The following ABCG1 variants were observed in gnomAD, a reference collection of about 807,000 sequenced individuals.
ABCG1 encodes the protein ATP-binding cassette sub-family G member 1.
A neutral mutation model predicts 69.2 loss-of-function variants in ABCG1; 29 were observed. That is an observed-to-expected ratio of 0.42 (90% CI 0.31 to 0.57). The LOEUF (loss-of-function observed/expected upper bound fraction) is 0.57, where lower values mean the gene tolerates loss of function less well. ABCG1 is among the 20% of genes least tolerant of loss of function. The pLI, the probability that ABCG1 is intolerant of heterozygous loss-of-function variation, is 0.15. For missense variants in ABCG1, 718 were observed against 898.1 expected (o/e 0.80, Z 2.56); for synonymous variants, 370 against 374.8 (o/e 0.99, Z 0.15).
intron 13 of ABCG1, among the ~76,000 whole-genome samples, chr21:42,293,856 TCACACACTACACACCACACCACACAC>T (rs1292793528): frequency 8.2e-6 from 1 of 121,840 alleles, no homozygotes; most frequent in Non-Finnish European, 1.7e-5. Flanking sequence ...ACTAGAAACA[TCACACACTACACACCACACCACACAC>T]CACACACTCC....
At chr21:42,281,709 G>A (rs747978155) in intron 5 of ABCG1, among the ~76,000 whole-genome samples, 13 of 152,098 alleles carry the variant, frequency 8.5e-5, no homozygotes, top group Admixed American at 2.0e-4. Flanking sequence ...GTGTGTGACC[G>A]TGTTCCTGCC....
chr21:42,224,655 G>T (rs2067785315), intron 1 of ABCG1, among the ~76,000 whole-genome samples: 1 of 152,224 alleles, frequency 6.6e-6, no homozygotes, highest in Non-Finnish European at 1.5e-5. Context: ...GAAGGGGTGT[G>T]TGTGTGCTTT....
chr21:42,211,450 C>T (rs879827327), upstream of ABCG1, among the ~76,000 whole-genome samples: 7 of 152,058 alleles, frequency 4.6e-5, no homozygotes, highest in Non-Finnish European at 7.4e-5. Flanking sequence ...CTCACCTTTC[C>T]CTTCCTCCTT....
intron 2 of ABCG1, among the ~76,000 whole-genome samples, chr21:42,258,224 C>T (rs559476056): frequency 2.6e-5 from 4 of 151,368 alleles, no homozygotes; most frequent in Non-Finnish European, 5.9e-5. Context: ...CCATAAGCCT[C>T]TCCAACCATC....
At chr21:42,267,462 GTCTGGGTTCTGTCTGGGTCTGA>G (rs1485251128) in intron 2 of ABCG1, among the ~76,000 whole-genome samples, 2 of 151,002 alleles carry the variant, frequency 1.3e-5, no homozygotes, top group East Asian at 1.9e-4. Flanking sequence ...TCTGGGTCTG[GTCTGGGTTCTGTCTGGGTCTGA>G]TCTGGGTTCT....
intron 2 of ABCG1, chr21:42,260,032 G>A: frequency 2.6e-6 from 4 of 1,549,708 alleles, no homozygotes; most frequent in Non-Finnish European, 3.5e-6. Context: ...GTCCAGGGAG[G>A]GCCCCATCAC....
rs1268691100 is a variant in ABCG1, at chr21:42,284,816, C to G, written c.858+133C>G. 34 of 1,251,640 alleles carry G rather than the reference C, an allele frequency of 2.7e-5. No individual in the cohort carries two copies. In the East Asian group the frequency reaches 7.6e-4, roughly 28 times the overall value. The allele number at this position is 1,251,640 out of a possible 1,614,324, so 77.5% of individuals were successfully genotyped here. On this transcript the variant is annotated intron_variant, in intron 7 of 14. Coordinates refer to ENST00000398449, the MANE Select transcript of ABCG1 (RefSeq NM_016818.3). Reference sequence around the variant, plus strand: ...TTCATGACACCAAACCCTGGGTACCCACAGCCTTCTGTTAGCTCATGGGGC... The same window carrying G: ...TTCATGACACCAAACCCTGGGTACCGACAGCCTTCTGTTAGCTCATGGGGC...
intron 2 of ABCG1, among the ~76,000 whole-genome samples, chr21:42,243,839 G>A (rs1387420322): frequency 1.3e-5 from 1 of 79,996 alleles, no homozygotes; most frequent in Admixed American, 1.7e-4. Flanking sequence ...TTTTTTTTGA[G>A]ACGGAGTCTC....
chr21:42,241,766 T>A (rs1055659052), intron 2 of ABCG1, among the ~76,000 whole-genome samples: 1 of 150,984 alleles, frequency 6.6e-6, no homozygotes, highest in Non-Finnish European at 1.5e-5. Flanking sequence ...GTGGGAGGAT[T>A]GCTTGAGAGC....
At chr21:42,213,179 C>T (rs1156560782), upstream of ABCG1, among the ~76,000 whole-genome samples, 1 of 152,264 alleles carries the variant, frequency 6.6e-6, no homozygotes, top group East Asian at 1.9e-4. Context: ...CGGCATAACC[C>T]TGAAGGTGTT....
chr21:42,261,393 A>G (rs2123691597), intron 2 of ABCG1, among the ~76,000 whole-genome samples: 1 of 152,310 alleles, frequency 6.6e-6, no homozygotes, highest in South Asian at 2.1e-4. Flanking sequence ...CGGTGGGAAC[A>G]GTACTGTCTG....
intron 2 of ABCG1, among the ~76,000 whole-genome samples, chr21:42,240,181 C>T (rs1326809810): frequency 2.0e-5 from 3 of 152,178 alleles, no homozygotes; most frequent in Non-Finnish European, 2.9e-5. Context: ...GTGCCTGCCA[C>T]GCTGGGTCTC....
At chr21:42,239,827 C>T (rs1344329522) in intron 2 of ABCG1, among the ~76,000 whole-genome samples, 2 of 152,224 alleles carry the variant, frequency 1.3e-5, no homozygotes, top group Admixed American at 6.5e-5. Flanking sequence ...TGCTCTGTGT[C>T]GTAGATGCTC....
At chr21:42,256,202 AC>A in intron 2 of ABCG1, 1 of 1,441,994 alleles carries the variant, frequency 6.9e-7, no homozygotes, top group Non-Finnish European at 9.2e-7. Context: ...GGCAGATTAA[AC>A]CTCATAAGTG....
Position 42,256,544 on chromosome 21 carries a change from A to C in ABCG1, c.287-14526A>C, listed in dbSNP as rs779007170. ...GGTGATGAGAAATAATGTCACAACAAATATCCCATCTGCATTCTCTGGGAC... is the reference window on the plus strand; with the variant it reads ...GGTGATGAGAAATAATGTCACAACACATATCCCATCTGCATTCTCTGGGAC... On this transcript the variant is annotated intron_variant, in intron 2 of 14. Transcript: ENST00000398449. 2.1e-5 allele frequency: 33 copies of C among 1,547,366 alleles called. No individual in the cohort carries two copies. In the East Asian group the frequency reaches 4.7e-4, roughly 22 times the overall value.
chr21:42,207,748 C>G (rs189345077), intron 2 of ABCG1, among the ~76,000 whole-genome samples: 1 of 152,318 alleles, frequency 6.6e-6, no homozygotes, highest in East Asian at 1.9e-4. Context: ...GGTTGAAGTT[C>G]TGGCTTTCCA....
chr21:42,239,757 G>A (rs891551510), intron 2 of ABCG1, among the ~76,000 whole-genome samples: 1 of 152,252 alleles, frequency 6.6e-6, no homozygotes. Flanking sequence ...CCAGCTTCCG[G>A]TTGGGGCAGA....
intron 2 of ABCG1, among the ~76,000 whole-genome samples, chr21:42,254,644 G>A (rs1333842994): frequency 6.6e-6 from 1 of 152,232 alleles, no homozygotes; most frequent in Non-Finnish European, 1.5e-5. Flanking sequence ...AAATGGAGGC[G>A]GTCGATGAGA....
In ABCG1 at chr21:42,287,984, C is replaced by T. The variant is rs1374008694; in HGVS notation, c.1069C>T (p.Leu357Phe). 1 of 1,613,552 alleles carries T rather than the reference C, an allele frequency of 6.2e-7. No individual in the cohort carries two copies. Among genetic ancestry groups the T allele is most frequent in the Non-Finnish European group, 8.5e-7 (1 of 1,179,708 alleles). The change falls in exon 9 of 15, where the codon CTC (leucine) becomes TTC (phenylalanine). Residue 357 changes from leucine (L) to phenylalanine (F), a missense_variant. Around this residue, in one of 2 missense-constraint regions of ABCG1, gnomAD observed 514 missense variants for 574.3 expected, o/e 0.90. Transcript: ENST00000398449. This position sits in a 1 kb window ranked among gnomAD's most constrained non-coding sequence, Gnocchi z 6.2. ...GMCDSDHKRD[L>F]GGDAEVNPFL... is the part of the protein sequence containing the mutation. ...GTGTGACTCAGACCACAAGAGAGAC[C>T]TCGGGGGTGATGCCGAGGTGAACCC...
Sources: gnomAD v4.1 joint callset for allele counts (sites outside exome capture counted in the v4.1 genomes callset) on GRCh38, gnomAD v4.1.1 for gene constraint, gnomAD v4.1.1 regional missense constraint, Gnocchi (gnomAD v3.1) non-coding constraint, MANE v1.5 for transcripts, NCBI Gene and HGNC (gene_info 2026-07-23, HGNC 2026-07-21) for gene names.